BBOF1: variants seen among roughly 807,000 people sequenced by gnomAD.
BBOF1 encodes basal body orientation factor 1.
Under a neutral mutation model 68.0 loss-of-function variants are expected in BBOF1, and 62 were observed. That is an observed-to-expected ratio of 0.91 (90% CI 0.74 to 1.13). The LOEUF is 1.13. Ranked by LOEUF, BBOF1 falls within the 50% of genes most tolerant of loss-of-function variation. The pLI, the probability that BBOF1 is intolerant of heterozygous loss-of-function variation, is 0.00. For missense variants in BBOF1, 534 were observed against 600.1 expected (o/e 0.89, Z 1.15); for synonymous variants, 208 against 198.8 (o/e 1.05, Z -0.39).
intron 8 of BBOF1, among the ~76,000 whole-genome samples, chr14:74,050,778 T>C (rs2060048873): frequency 6.6e-6 from 1 of 152,110 alleles, no homozygotes; most frequent in Non-Finnish European, 1.5e-5. Flanking sequence ...GGTGATAATA[T>C]CTATCCAACC....
At chr14:74,039,099 T>C (rs1244042882) in intron 4 of BBOF1, among the ~76,000 whole-genome samples, 2 of 152,176 alleles carry the variant, frequency 1.3e-5, no homozygotes. Context: ...ATCCATCCCT[T>C]ACAATTACAC....
In BBOF1 at chr14:74,071,780, A is replaced by G. The variant is rs2060552613; in HGVS notation, n.1380-6416A>G. ...CCATTTTTCACAAGTATTAAAAAAGATATCATGGGATGGCAAAATCTATGT... is the reference window on the plus strand; with the variant it reads ...CCATTTTTCACAAGTATTAAAAAAGGTATCATGGGATGGCAAAATCTATGT... On this transcript the variant is annotated intron_variant and non_coding_transcript_variant, in intron 9 of 12. Transcript: ENST00000492026. 1.6e-5 allele frequency: 24 copies of G among 1,472,272 alleles called. No homozygotes were observed. In the Middle Eastern group the frequency reaches 8.8e-4, roughly 54 times the overall value. 91.2% of individuals were successfully genotyped at this position (1,472,272 alleles called of 1,614,324 possible). A position where few individuals can be genotyped will look rare whatever the true frequency, so the allele number is the denominator to read the frequency against.
At chr14:74,081,515 G>T (rs908816303) in intron 12 of BBOF1, among the ~76,000 whole-genome samples, 2 of 152,106 alleles carry the variant, frequency 1.3e-5, no homozygotes, top group African/African-American at 4.8e-5. Context: ...TGACAGGTTC[G>T]ATCTTCTATC....
intron 7 of BBOF1, 107 bp downstream of exon 7, chr14:74,048,181 T>C: frequency 9.6e-7 from 1 of 1,040,218 alleles, no homozygotes; most frequent in Non-Finnish European, 1.4e-6. Flanking sequence ...AATGAGACCA[T>C]TTTCATCTGT....
chr14:74,057,627 TA>T (rs1328007157), intron 11 of BBOF1: 22 of 1,334,566 alleles, frequency 1.6e-5, no homozygotes, highest in Middle Eastern at 2.1e-4. Context: ...GACAAAGGCT[TA>T]TAAGGAGATA....
chr14:74,044,333 C>T (rs908650270), intron 5 of BBOF1, among the ~76,000 whole-genome samples: 1 of 152,092 alleles, frequency 6.6e-6, no homozygotes, highest in African/African-American at 2.4e-5. Context: ...ATTTATTTCA[C>T]TGATAGCATT....
At position 74,074,849 on chromosome 14, in the gene BBOF1, A is replaced by G. The variant is rs2060594906; in HGVS notation, n.1380-3347A>G. 11 of 1,196,668 alleles carry G rather than the reference A, an allele frequency of 9.2e-6. No individual in the cohort carries two copies. The South Asian group carries it at 1.4e-4, about 16-fold the overall frequency. The allele number at this position is 1,196,668 out of a possible 1,614,324, so 74.1% of individuals were successfully genotyped here. ...TAATCCAAAAGGAGGAAAAAACTAG[A>G]AAGTTTCACATACACTCTGATGACA... On this transcript the variant is annotated intron_variant and non_coding_transcript_variant, in intron 9 of 12. Transcript: ENST00000492026.
chr14:74,081,149 G>A (rs1226991855), intron 11 of BBOF1: 1 of 152,120 alleles, frequency 6.6e-6, no homozygotes, highest in Admixed American at 6.6e-5. Context: ...AGCTCATAAA[G>A]CACCCAAATT....
rs145794069 is a variant in BBOF1, at chr14:74,058,125, A to G, written c.1578+867A>G. 0.01 allele frequency: 1,570 copies of G among 156,616 alleles called. 32 individuals carry two copies. The highest frequency in any genetic ancestry group is 0.036 in the African/African-American group (1,501 of 41,602). 9.7% of individuals were successfully genotyped at this position (156,616 alleles called of 1,614,324 possible). A position where few individuals can be genotyped will look rare whatever the true frequency, so the allele number is the denominator to read the frequency against. ...GGCGGATCATTAGGTCAGGAGATTG[A>G]GACCATCCTGGCTAACATGGTGAAA... On this transcript the variant is annotated intron_variant, in intron 11 of 11. Coordinates refer to ENST00000394009, the MANE Select transcript of BBOF1 (RefSeq NM_025057.3).
chr14:74,040,652 A>T lies in BBOF1; in HGVS notation c.576+7A>T, dbSNP rs749567926. ...CAGATTTTTTGAAGAAAAGGTACAG[A>T]TTATTAGGGTTAATTTAAAATGTTT... On this transcript the variant is annotated splice_region_variant and intron_variant, in intron 5 of 11. Transcript: ENST00000394009. 2.6e-6 allele frequency: 4 copies of T among 1,520,068 alleles called. No homozygotes were observed. The African/African-American group carries it at 5.6e-5, about 21-fold the overall frequency. 94.2% of individuals were successfully genotyped at this position (1,520,068 alleles called of 1,614,324 possible).
rs2060025812 is a variant in BBOF1, at chr14:74,049,799, C to T, written c.890C>T (p.Thr297Ile). Residue 297 changes from threonine to isoleucine, a missense_variant, in exon 8 of 12, where the codon ACT becomes ATT. By Grantham distance (89) the Thr-to-Ile change is moderately conservative. Coordinates refer to ENST00000394009, the MANE Select transcript of BBOF1 (RefSeq NM_025057.3). ...TLQKKVVNLE[T>I]ALSYMTKEFE... ...CAGAAGAAGGTAGTAAACTTGGAGACTGCTCTGAGTTACATGACCAAAGAG... is the reference window on the plus strand; with the variant it reads ...CAGAAGAAGGTAGTAAACTTGGAGATTGCTCTGAGTTACATGACCAAAGAG... The T allele has an allele frequency of 1.2e-6, 2 of 1,614,026 alleles. No individual in the cohort carries two copies. The highest frequency in any genetic ancestry group is 1.7e-6 in the Non-Finnish European group (2 of 1,180,026).
At position 74,047,952 on chromosome 14, in the gene BBOF1, A is replaced by C; in HGVS notation, c.670A>C (p.Asn224His). Residue 224 changes from asparagine to histidine, a missense_variant, in exon 7 of 12, where the codon AAT becomes CAT. Coordinates refer to ENST00000394009, the MANE Select transcript of BBOF1 (RefSeq NM_025057.3). ...AIVQLNDAGR[N>H]VFKENDYLQK... ...CAGGCAATTGAACGATGCTGGAAGA[A>C]ATGTTTTTAAAGAGAATGATTATCT... is the stretch of plus-strand genomic sequence containing the variant. 2 of 1,609,290 alleles carry C rather than the reference A, an allele frequency of 1.2e-6. No homozygotes were observed. Among genetic ancestry groups the C allele is most frequent in the Non-Finnish European group, 1.7e-6 (2 of 1,178,412 alleles).
intron 9 of BBOF1, among the ~76,000 whole-genome samples, chr14:74,075,604 C>A (rs567438258): frequency 6.6e-6 from 1 of 151,882 alleles, no homozygotes; most frequent in Non-Finnish European, 1.5e-5. Context: ...CTGCAGTGAA[C>A]CGTGATTATG....
chr14:74,069,850 CT>C (rs779619553), downstream of BBOF1, among the ~76,000 whole-genome samples: 1,146 of 122,478 alleles, frequency 9.4e-3, 6 homozygotes, highest in African/African-American at 0.031. Flanking sequence ...CTAATCTAAC[CT>C]TTTTTTTTTT....
chr14:74,078,255 T>C, exon 10 of BBOF1: 1 of 455,970 alleles, frequency 2.2e-6, no homozygotes, highest in Non-Finnish European at 4.4e-6. Context: ...CCTACAAAAC[T>C]GAACTCAACC....
At chr14:74,070,799 G>A (rs1051736648), downstream of BBOF1, 1 of 216,694 alleles carries the variant, frequency 4.6e-6, no homozygotes, top group African/African-American at 2.3e-5. Context: ...TAGGAACGGT[G>A]CCTGAAACAC....
In BBOF1 at chr14:74,055,709, A is replaced by G. The variant is rs762809254; in HGVS notation, c.1388+24A>G. On this transcript the variant is annotated intron_variant, in intron 9 of 11. Transcript: ENST00000394009. ...AGGTAACTCCCTATTTCTGCAGTGA[A>G]ATACCAAGTTGTTATCAAATCTAGA... The G allele has an allele frequency of 5.2e-6, 8 of 1,535,530 alleles. No homozygotes were observed. The Admixed American group carries it at 8.5e-5, about 16-fold the overall frequency.
At chr14:74,047,555 T>C (rs1410948689) in intron 6 of BBOF1, among the ~76,000 whole-genome samples, 1 of 152,000 alleles carries the variant, frequency 6.6e-6, no homozygotes, top group African/African-American at 2.4e-5. Context: ...TTCCTCAGCT[T>C]CCTGAGTAGC....
At chr14:74,026,291 A>T (rs1230756640) in intron 2 of BBOF1, among the ~76,000 whole-genome samples, 3 of 151,514 alleles carry the variant, frequency 2.0e-5, no homozygotes, top group Non-Finnish European at 1.5e-5. Context: ...AAAATACAAA[A>T]ATTAGCCAGG....
Sources: allele counts gnomAD v4.1 joint callset (sites outside exome capture counted in the v4.1 genomes callset), GRCh38; gene constraint gnomAD v4.1.1; transcripts MANE v1.5; gene names NCBI Gene and HGNC (gene_info 2026-07-23, HGNC 2026-07-21).